TCP11: variants seen among roughly 807,000 people sequenced by gnomAD.
TCP11 encodes the protein T-complex protein 11 homolog.
TCP11 carries 34 observed loss-of-function variants against 45.0 expected under a neutral mutation model. The ratio of observed to expected loss-of-function variants is 0.76; its 90% CI spans 0.57 to 1.01. The LOEUF (loss-of-function observed/expected upper bound fraction) is 1.01. TCP11 is among the 50% of genes least tolerant of loss of function. TCP11 has a pLI of 0.00. For missense variants in TCP11, 523 were observed against 598.1 expected (o/e 0.87, Z 1.31); for synonymous variants, 227 against 227.0 (o/e 1.00, Z 0.00).
intron 4 of TCP11, among the ~76,000 whole-genome samples, chr6:35,123,287 T>C (rs560512831): frequency 6.6e-6 from 1 of 152,276 alleles, no homozygotes; most frequent in Admixed American, 6.5e-5. Flanking sequence ...TCAAGTACTT[T>C]AGATGCCTTA....
Position 35,122,266 on chromosome 6 carries a change from G to A in TCP11, c.429C>T (p.Asp143=). Residue 143 remains aspartate, a synonymous_variant, in exon 5 of 10, where the codon GAC becomes GAT. Coordinates refer to ENST00000311875, the MANE Select transcript of TCP11 (RefSeq NM_001370687.1). The part of the protein sequence containing the change: ...RIEIEEALDM[D]LLKQEAEHGA... Reference sequence around the variant, plus strand: ...CATGTTCTGCCTCCTGCTTGAGCAAGTCCATGTCCAGAGCTTCTTCAATCT... The same window carrying A: ...CATGTTCTGCCTCCTGCTTGAGCAAATCCATGTCCAGAGCTTCTTCAATCT... The A allele has an allele frequency of 3.1e-6, 5 of 1,614,146 alleles. No individual in the cohort carries two copies. Among genetic ancestry groups the A allele is most frequent in the Non-Finnish European group, 4.2e-6 (5 of 1,180,032 alleles).
intron 4 of TCP11, among the ~76,000 whole-genome samples, chr6:35,128,089 T>G (rs960716): frequency 6.6e-6 from 1 of 152,198 alleles, no homozygotes; most frequent in Non-Finnish European, 1.5e-5. Flanking sequence ...TCTCAGTTAC[T>G]GTGGGTCAGA....
intron 3 of TCP11, among the ~76,000 whole-genome samples, chr6:35,133,606 A>G (rs1049328740): frequency 1.3e-5 from 2 of 152,098 alleles, no homozygotes; most frequent in African/African-American, 4.8e-5. Flanking sequence ...CCTGGCCAAC[A>G]TGGTGAAACC....
Position 35,120,460 on chromosome 6 carries a change from A to C in TCP11, c.902T>G (p.Leu301Arg). The C allele has an allele frequency of 6.2e-7, 1 of 1,601,996 alleles. No individual in the cohort carries two copies. Among genetic ancestry groups the C allele is most frequent in the Non-Finnish European group, 8.5e-7 (1 of 1,173,898 alleles). Residue 301 changes from leucine to arginine, a missense_variant, in exon 7 of 10, where the codon CTC (leucine) becomes CGC (arginine). By Grantham distance (102) the Leu-to-Arg change is moderately radical. Coordinates refer to ENST00000311875, the MANE Select transcript of TCP11 (RefSeq NM_001370687.1). The surrounding 1 kb of genome is among the most constrained non-coding windows in gnomAD (Gnocchi z 4.9). ...VLCQGFLNLL[L>R]WDLENEEFPE... ...GAACTCTTCATTTTCAAGGTCCCAG[A>C]GAAGGAGGTTCAAGAAGCCCTGACA...
rs969641719 is a variant in TCP11, at chr6:35,118,177, G to A, written c.*92C>T. 1 of 1,083,504 alleles carries A rather than the reference G, an allele frequency of 9.2e-7. No homozygotes were observed. Among genetic ancestry groups the A allele is most frequent in the Non-Finnish European group, 1.4e-6 (1 of 717,806 alleles). 67.1% of individuals were successfully genotyped at this position (1,083,504 alleles called of 1,614,324 possible). A position where few individuals can be genotyped will look rare whatever the true frequency, so the allele number is the denominator to read the frequency against. On this transcript the variant is annotated 3_prime_UTR_variant, in exon 10 of 10. Coordinates refer to ENST00000311875, the MANE Select transcript of TCP11 (RefSeq NM_001370687.1). ...ACTGGCTGCAGGGCCTGGGATAGAA[G>A]CTCACTGTCTGCTGGTCACTGGTGA...
chr6:35,120,149 T>C lies in TCP11; in HGVS notation c.1115+10A>G. ...CACCTTCTACTCTAAAAAGTAACTA[T>C]GCAGCTCACCTGGAGTGAAAGTCTT... On this transcript the variant is annotated intron_variant, in intron 8 of 9. Transcript: ENST00000311875. This position sits in a 1 kb window ranked among gnomAD's most constrained non-coding sequence, Gnocchi z 4.9. 6.2e-7 allele frequency: 1 copy of C among 1,612,948 alleles called. No individual in the cohort carries two copies. The highest frequency in any genetic ancestry group is 8.5e-7 in the Non-Finnish European group (1 of 1,179,350).
chr6:35,141,131 C>T, intron 1 of TCP11, 74 bp downstream of exon 1: 1 of 1,315,798 alleles, frequency 7.6e-7, no homozygotes, highest in Non-Finnish European at 9.7e-7. Flanking sequence ...TGGGAAGGCC[C>T]CTTCCTTCGC....
intron 4 of TCP11, among the ~76,000 whole-genome samples, chr6:35,125,223 C>T (rs1298405792): frequency 6.6e-6 from 1 of 150,934 alleles, no homozygotes. Flanking sequence ...AAAAAAGGAC[C>T]TAAACATAAG....
At chr6:35,121,176 G>A in intron 5 of TCP11, 131 bp from the exon 6 acceptor site, 1 of 1,127,350 alleles carries the variant, frequency 8.9e-7, no homozygotes, top group Non-Finnish European at 1.2e-6. Context: ...ATTTTCAGAA[G>A]ATAACATGTG....
Position 35,118,227 on chromosome 6 carries a change from C to T in TCP11, c.*42G>A. ...ATGTTACTCCAGGAAGATGATGGGC[C>T]TCCTCTTGGGTCCAAGGTACCAGGG... is the stretch of plus-strand genomic sequence containing the variant. On this transcript the variant is annotated 3_prime_UTR_variant, in exon 10 of 10. Coordinates refer to ENST00000311875, the MANE Select transcript of TCP11 (RefSeq NM_001370687.1). 6.5e-7 allele frequency: 1 copy of T among 1,532,396 alleles called. No homozygotes were observed. Among genetic ancestry groups the T allele is most frequent in the Non-Finnish European group, 9.0e-7 (1 of 1,107,406 alleles). The allele number at this position is 1,532,396 out of a possible 1,614,324, so 94.9% of individuals were successfully genotyped here. A position where few individuals can be genotyped will look rare whatever the true frequency, so the allele number is the denominator to read the frequency against.
chr6:35,138,846 C>G (rs989744688), intron 2 of TCP11, among the ~76,000 whole-genome samples: 1 of 152,028 alleles, frequency 6.6e-6, no homozygotes, highest in African/African-American at 2.4e-5. Flanking sequence ...ATCCCATATA[C>G]CTGATAAATA....
chr6:35,138,628 TG>T (rs1379675039), intron 2 of TCP11, among the ~76,000 whole-genome samples: 3 of 151,948 alleles, frequency 2.0e-5, no homozygotes, highest in African/African-American at 4.8e-5. Context: ...GAAGCACAGA[TG>T]GTTAATGGGT....
chr6:35,119,198 C>A, intron 9 of TCP11, 30 bp downstream of exon 9: 1 of 1,611,808 alleles, frequency 6.2e-7, no homozygotes, highest in Non-Finnish European at 8.5e-7. Flanking sequence ...TCTTCCCTCA[C>A]CATTCTTACT....
In TCP11 at chr6:35,122,187, G is replaced by A. The variant is rs1194014077; in HGVS notation, c.508C>T (p.Leu170=). The A allele has an allele frequency of 3.7e-6, 6 of 1,614,062 alleles. No homozygotes were observed. The South Asian group carries it at 4.4e-5, about 12-fold the overall frequency. Residue 170 remains leucine, a synonymous_variant, in exon 5 of 10, where the codon CTG becomes TTG. Transcript: ENST00000311875. ...GCTTCATCTCGAACTGGTGCACACA[G>A]CAAAGCCATCATGTTGAGAACGTAC... ...SKYVLNMMAL[L]CAPVRDEAVQ... is the part of the protein sequence containing the mutation.
Position 35,141,238 on chromosome 6 carries a change from G to C in TCP11, c.-48C>G. ...CCCCCGCCGCGGGTCATCCACTGGC[G>C]TCCGCTCGGTGGGCCTCGCGGCCTG... On this transcript the variant is annotated 5_prime_UTR_variant, in exon 1 of 10. Transcript: ENST00000311875. 1 of 1,376,340 alleles carries C rather than the reference G, an allele frequency of 7.3e-7. No homozygotes were observed. 85.3% of individuals were successfully genotyped at this position (1,376,340 alleles called of 1,614,324 possible).
chr6:35,131,212 G>A lies in TCP11; in HGVS notation c.237-2030C>T, dbSNP rs147754512. 1.9e-3 allele frequency among the ~76,000 whole-genome samples: 284 copies of A among 152,296 alleles called. 2 individuals are homozygous for A. Among genetic ancestry groups the A allele is most frequent in the African/African-American group, 6.5e-3 (270 of 41,552 alleles). On this transcript the variant is annotated intron_variant, in intron 3 of 9. Coordinates refer to ENST00000311875, the MANE Select transcript of TCP11 (RefSeq NM_001370687.1). ...CGCTTGAACCCAGGAGGCAGAGGTTGCAGTGAGCCAAGATTGTGCCACTAC... is the reference window on the plus strand; with the variant it reads ...CGCTTGAACCCAGGAGGCAGAGGTTACAGTGAGCCAAGATTGTGCCACTAC...
In TCP11 at chr6:35,118,386, T is replaced by C. The variant is rs1266480396; in HGVS notation, c.1395A>G (p.Gln465=). 1.2e-6 allele frequency: 2 copies of C among 1,614,174 alleles called. No individual in the cohort carries two copies. Among genetic ancestry groups the C allele is most frequent in the Admixed American group, 3.3e-5 (2 of 60,012 alleles). The change falls in exon 10 of 10, where the codon CAA becomes CAG. Residue 465 remains glutamine, a synonymous_variant. Coordinates refer to ENST00000311875, the MANE Select transcript of TCP11 (RefSeq NM_001370687.1). ...TGTGATGTGTCAAGTTGACAAACTT[T>C]TGGCCCAGTTCTGCCAGTTCTGCTT... ...LIEAELAELG[Q]KFVNLTHHNQ...
intron 3 of TCP11, among the ~76,000 whole-genome samples, chr6:35,131,208 G>C (rs924784902): frequency 2.6e-5 from 4 of 152,148 alleles, no homozygotes; most frequent in Non-Finnish European, 5.9e-5. Flanking sequence ...AGGAGGCAGA[G>C]GTTGCAGTGA....
intron 3 of TCP11, 90 bp from the exon 4 acceptor site, chr6:35,129,272 T>C (rs1015497652): frequency 2.7e-6 from 4 of 1,471,090 alleles, no homozygotes; most frequent in Non-Finnish European, 1.8e-6. Context: ...GAATTTGATA[T>C]GGTAAAAGGC....
Sources: allele counts gnomAD v4.1 joint callset (sites outside exome capture counted in the v4.1 genomes callset), GRCh38; gene constraint gnomAD v4.1.1; non-coding constraint Gnocchi (gnomAD v3.1); transcripts MANE v1.5; gene names NCBI Gene and HGNC (gene_info 2026-07-23, HGNC 2026-07-21).